Variants in EGFR observed in about 807,000 individuals in gnomAD.
EGFR encodes avian erythroblastic leukemia viral (v-erb-b) oncogene homolog.
A neutral mutation model predicts 143.0 loss-of-function variants in EGFR; 58 were observed. That is an observed-to-expected ratio of 0.41 (90% CI 0.33 to 0.50). The LOEUF is 0.50. Ranked by LOEUF, EGFR falls within the 20% of genes least tolerant of loss-of-function variation. The pLI, the probability that EGFR is intolerant of heterozygous loss-of-function variation, is 0.39. For synonymous variants in EGFR, 613 were observed against 594.4 expected, an observed-to-expected ratio of 1.03 and a Z score of -0.45; for missense variants, 1,307 against 1,579.0, an observed-to-expected ratio of 0.83 and a Z score of 2.92.
At chr7:55,073,510 A>G (rs1191761145) in intron 1 of EGFR, among the ~76,000 whole-genome samples, 1 of 152,242 alleles carries the variant, frequency 6.6e-6, no homozygotes, top group Non-Finnish European at 1.5e-5. Context: ...CCTAGCCAGG[A>G]CTTTGATTGC....
intron 1 of EGFR, among the ~76,000 whole-genome samples, chr7:55,119,655 C>T (rs1045881112): frequency 1.4e-4 from 22 of 152,238 alleles, no homozygotes; most frequent in African/African-American, 4.8e-4. Context: ...GGATTCCCCT[C>T]GCTCTGGCGT....
At chr7:55,175,172 G>C (rs528835060) in intron 19 of EGFR, among the ~76,000 whole-genome samples, 31 of 152,284 alleles carry the variant, frequency 2.0e-4, no homozygotes, top group African/African-American at 6.5e-4. Context: ...TAAAGAAATT[G>C]GCTGACCCTT....
chr7:55,164,606 G>A (rs1785875769), intron 14 of EGFR, among the ~76,000 whole-genome samples: 1 of 152,172 alleles, frequency 6.6e-6, no homozygotes, highest in African/African-American at 2.4e-5. Context: ...TGCTGGCTCT[G>A]GGCACACACA....
Position 55,156,656 on chromosome 7 carries a change from G to A in EGFR, c.1130G>A (p.Arg377Lys), listed in dbSNP as rs1785432611. The A allele has an allele frequency of 1.2e-6, 2 of 1,614,096 alleles. No homozygotes were observed. The highest frequency in any genetic ancestry group is 3.3e-5 in the Admixed American group (2 of 60,006). The change falls in exon 9 of 28, where the codon AGG becomes AAG. Residue 377 changes from arginine to lysine, a missense_variant. By Grantham distance (26) the Arg-to-Lys change is conservative. Transcript: ENST00000275493. The part of the protein sequence containing the change: ...GDLHILPVAF[R>K]GDSFTHTPPL... ...CTCCACATCCTGCCGGTGGCATTTA[G>A]GGGGTGAGTCACAGGTTCAGTTGCT... is the stretch of plus-strand genomic sequence containing the variant.
chr7:55,099,770 G>A (rs2128900349), intron 1 of EGFR, among the ~76,000 whole-genome samples: 1 of 152,014 alleles, frequency 6.6e-6, no homozygotes, highest in East Asian at 1.9e-4. Flanking sequence ...TCACAATGTG[G>A]ATTTCACAAT....
chr7:55,160,785 G>A (rs768149), intron 12 of EGFR, among the ~76,000 whole-genome samples: 4 of 152,186 alleles, frequency 2.6e-5, no homozygotes, highest in Admixed American at 2.0e-4. Flanking sequence ...CCTTGGCCAC[G>A]GGCAGCGTCA....
At chr7:55,088,779 A>G (rs1287686335) in intron 1 of EGFR, among the ~76,000 whole-genome samples, 2 of 152,044 alleles carry the variant, frequency 1.3e-5, no homozygotes, top group Non-Finnish European at 2.9e-5. Flanking sequence ...ATGTTATCCA[A>G]CTCAGTCCTG....
At chr7:55,200,624 C>T (rs1418538953) in intron 24 of EGFR, 2 of 630,386 alleles carry the variant, frequency 3.2e-6, no homozygotes, top group East Asian at 2.8e-5. Context: ...TCCATCTCCC[C>T]CTCCCCGTCT....
At chr7:55,046,123 A>T (rs1284696028) in intron 1 of EGFR, among the ~76,000 whole-genome samples, 2 of 152,168 alleles carry the variant, frequency 1.3e-5, no homozygotes, top group Non-Finnish European at 2.9e-5. Context: ...ATTGGACAGC[A>T]GCGCTCTAGA....
intron 1 of EGFR, among the ~76,000 whole-genome samples, chr7:55,103,539 T>C (rs1056325810): frequency 7.2e-5 from 11 of 152,206 alleles, no homozygotes; most frequent in Non-Finnish European, 7.3e-5. Context: ...CAGATTTTCA[T>C]TTAAAGCACA....
At chr7:55,182,892 C>T (rs1786955906) in intron 20 of EGFR, among the ~76,000 whole-genome samples, 1 of 152,152 alleles carries the variant, frequency 6.6e-6, no homozygotes, top group South Asian at 2.1e-4. Context: ...GATGCCAGGG[C>T]CTCTTTTTAT....
At position 55,181,302 on chromosome 7, in the gene EGFR, G is replaced by T. The variant is rs374873413; in HGVS notation, c.2293G>T (p.Val765Leu). The change falls in exon 20 of 28, where the codon GTG (valine) becomes TTG (leucine). Residue 765 changes from valine (V) to leucine (L), a missense_variant. Val to Leu is a conservative substitution (Grantham distance 32, BLOSUM62 1). Around this residue, in one of 7 missense-constraint regions of EGFR, gnomAD observed 348 missense variants for 451.5 expected, o/e 0.77. Coordinates refer to ENST00000275493, the MANE Select transcript of EGFR (RefSeq NM_005228.5). Reference protein sequence around the residue: ...ANKEILDEAYVMASVDNPHVC... With the variant: ...ANKEILDEAYLMASVDNPHVC... The stretch of plus-strand genomic sequence containing the variant: ...CTCTCCCTCCCTCCAGGAAGCCTAC[G>T]TGATGGCCAGCGTGGACAACCCCCA... 1 of 1,614,154 alleles carries T rather than the reference G, an allele frequency of 6.2e-7. No individual in the cohort carries two copies. The highest frequency in any genetic ancestry group is 8.5e-7 in the Non-Finnish European group (1 of 1,180,046).
At chr7:55,145,745 T>C (rs1393606922) in intron 3 of EGFR, among the ~76,000 whole-genome samples, 1 of 152,232 alleles carries the variant, frequency 6.6e-6, no homozygotes, top group Non-Finnish European at 1.5e-5. Flanking sequence ...TGAATGAAGA[T>C]AGTGCTTATA....
intron 1 of EGFR, among the ~76,000 whole-genome samples, chr7:55,092,987 A>G (rs1400355986): frequency 6.6e-6 from 1 of 152,270 alleles, no homozygotes; most frequent in Non-Finnish European, 1.5e-5. Context: ...ACATGGACAG[A>G]GTTCATGTAA....
chr7:55,151,154 A>G, intron 4 of EGFR, 140 bp from the exon 5 acceptor site: 1 of 865,708 alleles, frequency 1.2e-6, no homozygotes. Flanking sequence ...GATTCTACAA[A>G]CCAGCCAGCC....
At chr7:55,180,897 C>T (rs1786831224) in intron 19 of EGFR, 1 of 323,434 alleles carries the variant, frequency 3.1e-6, no homozygotes, top group Non-Finnish European at 5.9e-6. Flanking sequence ...ACACAGATTC[C>T]TACAGGCCCT....
chr7:55,149,083 T>G (rs1794904755), intron 4 of EGFR, among the ~76,000 whole-genome samples: 1 of 152,032 alleles, frequency 6.6e-6, no homozygotes, highest in Non-Finnish European at 1.5e-5. Context: ...TTAATATATA[T>G]GTAAGTGCCA....
At chr7:55,191,062 G>T (rs1452382466) in intron 20 of EGFR, among the ~76,000 whole-genome samples, 2 of 152,190 alleles carry the variant, frequency 1.3e-5, no homozygotes, top group Non-Finnish European at 2.9e-5. Context: ...CGCTGTGCTG[G>T]CTGCTTCTCA....
intron 1 of EGFR, among the ~76,000 whole-genome samples, chr7:55,130,127 G>C (rs978392772): frequency 5.9e-5 from 9 of 152,160 alleles, no homozygotes; most frequent in African/African-American, 2.2e-4. Flanking sequence ...CCTTCTCTGA[G>C]ACATGGCAAG....
Sources: gnomAD v4.1 joint callset for allele counts (sites outside exome capture counted in the v4.1 genomes callset) on GRCh38, gnomAD v4.1.1 for gene constraint, gnomAD v4.1.1 regional missense constraint, MANE v1.5 for transcripts, NCBI Gene and HGNC (gene_info 2026-07-23, HGNC 2026-07-21) for gene names.